Variants in PARP11 observed in about 807,000 individuals in gnomAD.
PARP11 encodes protein mono-ADP-ribosyltransferase PARP11.
In PARP11, 31 loss-of-function variants were observed where a neutral mutation model predicts 42.9. That is an observed-to-expected ratio of 0.72 (90% CI 0.54 to 0.98). The LOEUF is 0.98. Among genes scored for constraint, PARP11 ranks in the 50% least tolerant of loss-of-function variants. The pLI is 0.00. For missense variants in PARP11, 365 were observed against 413.1 expected (o/e 0.88, Z 1.01); for synonymous variants, 137 against 127.3 (o/e 1.08, Z -0.51).
chr12:3,840,307 T>C lies in PARP11; in HGVS notation c.19-10289A>G. On this transcript the variant is annotated intron_variant, in intron 1 of 7. Transcript: ENST00000228820. This position sits in a 1 kb window ranked among gnomAD's most constrained non-coding sequence, Gnocchi z 4.4. The stretch of plus-strand genomic sequence containing the variant: ...CCTCAAGGCACCTCCCCCAGAAAGC[T>C]GGAACACAGTGTCAGGGAAGAAGAT... 1 of 1,614,116 alleles carries C rather than the reference T, an allele frequency of 6.2e-7. No individual in the cohort carries two copies.
chr12:3,862,775 CATTA>C lies in PARP11; in HGVS notation c.18+10433_18+10436del, dbSNP rs533483288. On this transcript the variant is annotated intron_variant, in intron 1 of 7. Coordinates refer to ENST00000228820, the MANE Select transcript of PARP11 (RefSeq NM_020367.6). ...CCCTATTTTTTATTCTATTCCATTC[CATTA>C]ATTAACTTCCCTAACTTGATGCCAA... Among the ~76,000 whole-genome samples, 447 of 152,014 alleles carry C rather than the reference CATTA, an allele frequency of 2.9e-3. 2 individuals are homozygous for C. The highest frequency in any genetic ancestry group is 0.02 in the Middle Eastern group (6 of 294).
Position 3,840,084 on chromosome 12 carries a change from T to C in PARP11, c.19-10066A>G, listed in dbSNP as rs1370239669. ...CTGCAGTCTATAGAAATGTGGAATA[T>C]GAAATTTGGCTGGAGTCTAAACAAG... On this transcript the variant is annotated intron_variant, in intron 1 of 7. Coordinates refer to ENST00000228820, the MANE Select transcript of PARP11 (RefSeq NM_020367.6). The surrounding 1 kb of genome is among the most constrained non-coding windows in gnomAD (Gnocchi z 4.4). 1.9e-6 allele frequency: 3 copies of C among 1,609,210 alleles called. No homozygotes were observed. Among genetic ancestry groups the C allele is most frequent in the African/African-American group, 2.7e-5 (2 of 74,850 alleles).
intron 1 of PARP11, among the ~76,000 whole-genome samples, chr12:3,853,548 A>G (rs1228896084): frequency 2.0e-5 from 3 of 152,376 alleles, no homozygotes; most frequent in South Asian, 4.1e-4. Flanking sequence ...TGGCCATTAC[A>G]TAATGGTAAA....
chr12:3,849,452 C>T (rs1591528538), intron 1 of PARP11, among the ~76,000 whole-genome samples: 1 of 152,102 alleles, frequency 6.6e-6, no homozygotes, highest in Non-Finnish European at 1.5e-5. Context: ...GGTTTATATA[C>T]ACAATGGATT....
At position 3,840,872 on chromosome 12, in the gene PARP11, T is replaced by C; in HGVS notation, c.19-10854A>G. On this transcript the variant is annotated intron_variant, in intron 1 of 7. Coordinates refer to ENST00000228820, the MANE Select transcript of PARP11 (RefSeq NM_020367.6). The surrounding 1 kb of genome is among the most constrained non-coding windows in gnomAD (Gnocchi z 4.4). ...GCAGAACAAAAGCCAGCAGAACATG[T>C]GTCTTTGTCAAATCCAGCTCCCCTT... 6.2e-7 allele frequency: 1 copy of C among 1,600,374 alleles called. No homozygotes were observed. The highest frequency in any genetic ancestry group is 8.6e-7 in the Non-Finnish European group (1 of 1,167,402).
At chr12:3,842,558 G>A (rs2138075795) in intron 1 of PARP11, 2 of 1,369,004 alleles carry the variant, frequency 1.5e-6, no homozygotes, top group East Asian at 2.3e-5. Flanking sequence ...ACTCTTAGGT[G>A]GAATGTTTCT....
intron 5 of PARP11, 22 bp from the exon 6 acceptor site, chr12:3,822,025 G>C: frequency 6.8e-6 from 11 of 1,608,456 alleles, no homozygotes; most frequent in Non-Finnish European, 9.3e-6. Context: ...AATTTGCATA[G>C]ATTTACTGCA....
intron 1 of PARP11, among the ~76,000 whole-genome samples, chr12:3,847,622 ATCT>A (rs1010368681): frequency 3.9e-5 from 6 of 152,346 alleles, no homozygotes; most frequent in South Asian, 2.1e-4. Flanking sequence ...AAAATTCAAC[ATCT>A]TCTTATAATA....
In PARP11 at chr12:3,838,799, G is replaced by GA. The variant is rs547638958; in HGVS notation, c.19-8782dup. Among the ~76,000 whole-genome samples, 467 of 152,348 alleles carry GA rather than the reference G, an allele frequency of 3.1e-3. 3 individuals carry two copies. Among genetic ancestry groups the GA allele is most frequent in the African/African-American group, 9.8e-3 (406 of 41,592 alleles). ...GCGCCCTCCAGCGTGGTGGGGAAAC[G>GA]AAAGGCCGCGTCTTTCTTTTTTGGT... On this transcript the variant is annotated intron_variant, in intron 1 of 7. Coordinates refer to ENST00000228820, the MANE Select transcript of PARP11 (RefSeq NM_020367.6).
Position 3,812,129 on chromosome 12 carries a change from A to C in PARP11, c.1011T>G (p.Phe337Leu), listed in dbSNP as rs779031373. ...CCGAGATTTGGAAGTGAAATCAATG[A>C]AAGTCTATCAAGTACTCAGGATAGA... ...NQIYPEYLIDFH is the reference protein window; with the variant it reads ...NQIYPEYLIDLH Residue 337 changes from phenylalanine (F) to leucine (L), a missense_variant, in exon 8 of 8, where the codon TTT (phenylalanine) becomes TTG (leucine). Coordinates refer to ENST00000228820, the MANE Select transcript of PARP11 (RefSeq NM_020367.6). The C allele has an allele frequency of 6.3e-7, 1 of 1,589,370 alleles. No homozygotes were observed. Among genetic ancestry groups the C allele is most frequent in the Non-Finnish European group, 8.6e-7 (1 of 1,168,246 alleles).
In PARP11 at chr12:3,811,845, G is replaced by A. The variant is rs1279957501; in HGVS notation, c.*278C>T. On this transcript the variant is annotated 3_prime_UTR_variant, in exon 8 of 8. Coordinates refer to ENST00000228820, the MANE Select transcript of PARP11 (RefSeq NM_020367.6). The stretch of plus-strand genomic sequence containing the variant: ...AGATCTCAATGACCACATTAGTTGA[G>A]ACTCAGCTGATTCCATTTTGAATGG... 1 of 380,374 alleles carries A rather than the reference G, an allele frequency of 2.6e-6. No individual in the cohort carries two copies. The highest frequency in any genetic ancestry group is 4.7e-6 in the Non-Finnish European group (1 of 215,014). 23.6% of individuals were successfully genotyped at this position (380,374 alleles called of 1,614,324 possible).
chr12:3,843,146 T>C (rs1947928766), intron 1 of PARP11, among the ~76,000 whole-genome samples: 1 of 152,228 alleles, frequency 6.6e-6, no homozygotes, highest in African/African-American at 2.4e-5. Flanking sequence ...TTAGCAATGT[T>C]GTATATAGTT....
intron 4 of PARP11, among the ~76,000 whole-genome samples, chr12:3,825,086 A>T (rs1947490832): frequency 6.6e-6 from 1 of 151,718 alleles, no homozygotes; most frequent in Admixed American, 6.6e-5. Context: ...GCAAATAGGC[A>T]TTCCCTGCAA....
chr12:3,870,554 C>T (rs1345702532), intron 1 of PARP11, among the ~76,000 whole-genome samples: 4 of 152,258 alleles, frequency 2.6e-5, no homozygotes, highest in East Asian at 1.9e-4. Flanking sequence ...GTATGTGTGA[C>T]GCAGGAGGGA....
Position 3,811,992 on chromosome 12 carries a change from G to A in PARP11, c.*131C>T. The A allele has an allele frequency of 3.0e-6, 2 of 672,116 alleles. No homozygotes were observed. Among genetic ancestry groups the A allele is most frequent in the Non-Finnish European group, 2.4e-6 (1 of 413,758 alleles). The allele number at this position is 672,116 out of a possible 1,614,324, so 41.6% of individuals were successfully genotyped here. ...TTGAAGTCAGTATGTCTTTTTATAT[G>A]GAGGCCACTTTTTTTCATATCTGTT... On this transcript the variant is annotated 3_prime_UTR_variant, in exon 8 of 8. Coordinates refer to ENST00000228820, the MANE Select transcript of PARP11 (RefSeq NM_020367.6).
At chr12:3,852,363 C>A (rs956621804) in intron 1 of PARP11, among the ~76,000 whole-genome samples, 1 of 152,104 alleles carries the variant, frequency 6.6e-6, no homozygotes, top group Non-Finnish European at 1.5e-5. Flanking sequence ...TGTTTGAACC[C>A]ATCGCAAGGA....
At position 3,873,312 on chromosome 12, in the gene PARP11, G is replaced by A. The variant is rs1435042659; in HGVS notation, c.-83C>T. 1.6e-5 allele frequency: 21 copies of A among 1,340,956 alleles called. No homozygotes were observed. The highest frequency in any genetic ancestry group is 1.7e-5 in the Non-Finnish European group (16 of 956,186). 83.1% of individuals were successfully genotyped at this position (1,340,956 alleles called of 1,614,324 possible). On this transcript the variant is annotated 5_prime_UTR_variant, in exon 1 of 8. Transcript: ENST00000228820. ...GGTGTTGGATTTTTTTTTTTCCCGC[G>A]GGTCCCCGGGAGCGAAGGGACGGAG...
chr12:3,824,921 A>G (rs1947485904), intron 4 of PARP11, among the ~76,000 whole-genome samples: 1 of 152,242 alleles, frequency 6.6e-6, no homozygotes, highest in African/African-American at 2.4e-5. Context: ...GTACTAGAGC[A>G]TTCATTTTAT....
intron 6 of PARP11, among the ~76,000 whole-genome samples, chr12:3,817,995 A>T (rs1283451188): frequency 6.6e-6 from 1 of 152,088 alleles, no homozygotes; most frequent in Non-Finnish European, 1.5e-5. Flanking sequence ...TATTAACAAG[A>T]TGCTCTTATT....
Sources: gnomAD v4.1 joint callset for allele counts (sites outside exome capture counted in the v4.1 genomes callset) on GRCh38, gnomAD v4.1.1 for gene constraint, Gnocchi (gnomAD v3.1) non-coding constraint, MANE v1.5 for transcripts, NCBI Gene and HGNC (gene_info 2026-07-23, HGNC 2026-07-21) for gene names.